The following GSE1 variants were observed in gnomAD, a reference collection of about 807,000 sequenced individuals.
GSE1 encodes the protein genetic suppressor element 1.
Under a neutral mutation model 112.6 loss-of-function variants are expected in GSE1, and 32 were observed. The observed-to-expected ratio is 0.28, with a 90% CI of 0.21 to 0.38. The LOEUF is 0.38. Among genes scored for constraint, GSE1 ranks in the 10% least tolerant of loss-of-function variants. The probability of loss-of-function intolerance (pLI) is 1.00; values close to 1 mark genes in which losing one functional copy is unlikely to be tolerated. For synonymous variants in GSE1, 1,115 were observed against 735.6 expected (o/e 1.52, Z -8.35); for missense variants, 2,348 against 1,699.2 (o/e 1.38, Z -6.71).
At chr16:85,223,435 A>T (rs1217778638) in intron 1 of GSE1, among the ~76,000 whole-genome samples, 2 of 149,698 alleles carry the variant, frequency 1.3e-5, no homozygotes, top group African/African-American at 4.9e-5. Flanking sequence ...AGACAGGAGA[A>T]TAGCTTGAAC....
intron 1 of GSE1, among the ~76,000 whole-genome samples, chr16:85,178,525 C>T (rs938761505): frequency 2.6e-5 from 4 of 152,114 alleles, no homozygotes; most frequent in East Asian, 1.9e-4. Flanking sequence ...GGGGTGGTCC[C>T]GGGCCATGGT....
intron 2 of GSE1, among the ~76,000 whole-genome samples, chr16:85,388,227 C>G (rs1451241495): frequency 7.4e-5 from 5 of 67,970 alleles, no homozygotes; most frequent in Non-Finnish European, 1.1e-4. Flanking sequence ...TGGATACATA[C>G]ATGGGTGGAT....
intron 1 of GSE1, among the ~76,000 whole-genome samples, chr16:85,630,615 A>T (rs115060992): frequency 1.5e-4 from 23 of 152,314 alleles, no homozygotes; most frequent in African/African-American, 5.5e-4. Context: ...CATGCCCAGG[A>T]TGAATGTTTT....
intron 2 of GSE1, among the ~76,000 whole-genome samples, chr16:85,481,647 G>T (rs2050684410): frequency 6.6e-6 from 1 of 152,170 alleles, no homozygotes; most frequent in Non-Finnish European, 1.5e-5. Flanking sequence ...CACTTTCCAG[G>T]AGCTGAGACG....
At chr16:85,562,054 C>T (rs1598189979) in intron 1 of GSE1, among the ~76,000 whole-genome samples, 1 of 152,228 alleles carries the variant, frequency 6.6e-6, no homozygotes, top group Non-Finnish European at 1.5e-5. Flanking sequence ...ATAGCTGTGG[C>T]GCCGGAGCCA....
chr16:85,171,914 C>G (rs1364396487), intron 1 of GSE1: 2 of 614,424 alleles, frequency 3.3e-6, no homozygotes, highest in Non-Finnish European at 4.1e-6. Flanking sequence ...GGAGTTTTCA[C>G]TGGTTCTGTG....
intron 2 of GSE1, among the ~76,000 whole-genome samples, chr16:85,479,650 C>G (rs951543876): frequency 6.6e-6 from 1 of 152,262 alleles, no homozygotes; most frequent in East Asian, 1.9e-4. Context: ...CGCTGAGTGT[C>G]GAGGTTTTTA....
chr16:85,567,432 C>T (rs768385586), intron 1 of GSE1, among the ~76,000 whole-genome samples: 2 of 152,220 alleles, frequency 1.3e-5, no homozygotes, highest in Non-Finnish European at 2.9e-5. Context: ...AGTCCCGAGT[C>T]GTCTGAAGGC....
intron 2 of GSE1, among the ~76,000 whole-genome samples, chr16:85,486,093 TG>T (rs1284223318): frequency 1.3e-5 from 2 of 152,158 alleles, no homozygotes; most frequent in Non-Finnish European, 2.9e-5. Flanking sequence ...CCCTGCCAAC[TG>T]GGGGCACCCC....
intron 1 of GSE1, among the ~76,000 whole-genome samples, chr16:85,217,588 G>A (rs1349910421): frequency 6.6e-6 from 1 of 152,218 alleles, no homozygotes. Flanking sequence ...TGAAATGGGG[G>A]ATGATGCCCT....
intron 2 of GSE1, among the ~76,000 whole-genome samples, chr16:85,518,689 G>A (rs2052035776): frequency 6.6e-6 from 1 of 152,114 alleles, no homozygotes; most frequent in South Asian, 2.1e-4. Flanking sequence ...AGAATGTGGT[G>A]TGCGGATGGC....
intron 1 of GSE1, among the ~76,000 whole-genome samples, chr16:85,235,030 C>A (rs1428737049): frequency 6.6e-6 from 1 of 151,738 alleles, no homozygotes; most frequent in Non-Finnish European, 1.5e-5. Flanking sequence ...CCAGGACCCT[C>A]AGAGATGGGA....
At chr16:85,288,730 C>T (rs975341385) in intron 1 of GSE1, among the ~76,000 whole-genome samples, 3 of 152,038 alleles carry the variant, frequency 2.0e-5, no homozygotes, top group African/African-American at 4.8e-5. Context: ...CTGGGAGAGG[C>T]GGCATTTGTG....
At chr16:85,430,603 C>T (rs969944587) in intron 2 of GSE1, among the ~76,000 whole-genome samples, 5 of 152,310 alleles carry the variant, frequency 3.3e-5, no homozygotes, top group East Asian at 3.9e-4. Flanking sequence ...CCTCTCCACA[C>T]GGCAGTCACT....
rs928660594 is a variant in GSE1 at position 85,663,561 on chromosome 16, A to C, written c.2591A>C (p.Lys864Thr). The C allele has an allele frequency of 1.9e-6, 3 of 1,613,870 alleles. No homozygotes were observed. In the African/African-American group the frequency reaches 4.0e-5, roughly 22 times the overall value. ...MNNSPNFEEKKKFLTIFNLTH... is the reference protein window; with the variant it reads ...MNNSPNFEEKTKFLTIFNLTH... ...AACAGTCCCAACTTCGAAGAAAAGAAGAAGTTCCTGACCATCTTCAACCTG... is the reference window on the plus strand; with the variant it reads ...AACAGTCCCAACTTCGAAGAAAAGACGAAGTTCCTGACCATCTTCAACCTG... The change falls in exon 11 of 16, where the codon AAG becomes ACG. Residue 864 changes from lysine to threonine, a missense_variant. Transcript: ENST00000253458.
chr16:85,450,650 C>T (rs2049652025), intron 2 of GSE1, among the ~76,000 whole-genome samples: 1 of 151,512 alleles, frequency 6.6e-6, no homozygotes, highest in Admixed American at 6.6e-5. Context: ...GGGGTTTCAC[C>T]ATCTTGGCCA....
chr16:85,487,826 G>A (rs1199252922), intron 2 of GSE1, among the ~76,000 whole-genome samples: 2 of 152,232 alleles, frequency 1.3e-5, no homozygotes, highest in Non-Finnish European at 2.9e-5. Context: ...ACCTTGCACG[G>A]TTAACGTGCC....
intron 2 of GSE1, among the ~76,000 whole-genome samples, chr16:85,388,115 A>G (rs1425562023): frequency 8.0e-5 from 8 of 99,690 alleles, no homozygotes; most frequent in South Asian, 3.8e-4. Context: ...TGGATGGGTA[A>G]GTGGACGGAT....
chr16:85,612,486 C>T (rs1425178366), upstream of GSE1, among the ~76,000 whole-genome samples: 1 of 152,146 alleles, frequency 6.6e-6, no homozygotes. Context: ...TGACCGCAAC[C>T]CCAGCTACTT....
Sources: allele counts gnomAD v4.1 joint callset (sites outside exome capture counted in the v4.1 genomes callset), GRCh38; gene constraint gnomAD v4.1.1; transcripts MANE v1.5; gene names NCBI Gene and HGNC (gene_info 2026-07-23, HGNC 2026-07-21).